The following SND1 variants were observed in gnomAD, a reference collection of about 807,000 sequenced individuals.
The protein encoded by SND1 is staphylococcal nuclease domain-containing protein 1.
SND1 carries 38 observed loss-of-function variants against 121.7 expected under a neutral mutation model. The observed-to-expected ratio is 0.31, with a 90% CI of 0.24 to 0.41. The LOEUF (loss-of-function observed/expected upper bound fraction) is 0.41, where lower values mean the gene tolerates loss of function less well. Ranked by LOEUF, SND1 falls within the 10% of genes least tolerant of loss-of-function variation. SND1 has a pLI of 1.00. For missense variants in SND1, 868 were observed against 1,184.6 expected, an observed-to-expected ratio of 0.73 and a Z score of 3.92; for synonymous variants, 401 against 447.4, an observed-to-expected ratio of 0.90 and a Z score of 1.31.
chr7:127,703,530 G>A (rs910765531), intron 7 of SND1, among the ~76,000 whole-genome samples: 24 of 152,168 alleles, frequency 1.6e-4, no homozygotes, highest in African/African-American at 5.3e-4. Flanking sequence ...TGGCCAACAT[G>A]GTGAAACCCT....
intron 12 of SND1, among the ~76,000 whole-genome samples, chr7:127,847,140 C>A (rs1799079810): frequency 6.6e-6 from 1 of 152,048 alleles, no homozygotes; most frequent in Non-Finnish European, 1.5e-5. Context: ...AGTCTGGTGG[C>A]AGGTGCCTGT....
At chr7:127,787,187 C>A (rs1797828067) in intron 10 of SND1, among the ~76,000 whole-genome samples, 1 of 152,148 alleles carries the variant, frequency 6.6e-6, no homozygotes. Flanking sequence ...ACCTTTTCTT[C>A]TGTCTTTTTA....
intron 12 of SND1, among the ~76,000 whole-genome samples, chr7:127,879,783 G>T (rs1343157370): frequency 6.6e-6 from 1 of 152,168 alleles, no homozygotes; most frequent in Non-Finnish European, 1.5e-5. Flanking sequence ...TGAGGGTCAT[G>T]GGTGACAGAG....
chr7:128,075,279 C>T (rs1012866299), intron 17 of SND1, among the ~76,000 whole-genome samples: 3 of 152,200 alleles, frequency 2.0e-5, no homozygotes, highest in Non-Finnish European at 4.4e-5. Flanking sequence ...GCCGGGCTCA[C>T]CCAGCCTGTT....
chr7:127,678,673 G>T (rs1795656918), intron 1 of SND1, among the ~76,000 whole-genome samples: 1 of 152,192 alleles, frequency 6.6e-6, no homozygotes, highest in South Asian at 2.1e-4. Context: ...AGCTTATGTT[G>T]TTTTGGGATT....
intron 10 of SND1, among the ~76,000 whole-genome samples, chr7:127,797,265 C>T (rs1437109597): frequency 6.6e-6 from 1 of 152,210 alleles, no homozygotes; most frequent in Non-Finnish European, 1.5e-5. Context: ...GCCACAATCA[C>T]TGTGTAGAGC....
At position 128,052,359 on chromosome 7, in the gene SND1, A is replaced by G. The variant is rs1793060730; in HGVS notation, c.1780-22143A>G. Among the ~76,000 whole-genome samples, 1 of 152,188 alleles carries G rather than the reference A, an allele frequency of 6.6e-6. No individual in the cohort carries two copies. Among genetic ancestry groups the G allele is most frequent in the Non-Finnish European group, 1.5e-5 (1 of 68,028 alleles). The stretch of plus-strand genomic sequence containing the variant: ...AAGCTCCCATTCTGGCAGCTTGTCC[A>G]TCAAGGTTGGATCTGTCTCTCCTCC... On this transcript the variant is annotated intron_variant, in intron 16 of 23. Coordinates refer to ENST00000354725, the MANE Select transcript of SND1 (RefSeq NM_014390.4). The surrounding 1 kb of genome is among the most constrained non-coding windows in gnomAD (Gnocchi z 4.6).
At chr7:127,660,042 G>GTC (rs746975443) in intron 1 of SND1, among the ~76,000 whole-genome samples, 48,877 of 148,000 alleles carry the variant, frequency 0.33, 8,984 homozygotes, top group African/African-American at 0.51. Flanking sequence ...TTTAGTTTGA[G>GTC]AAAGAAGATT....
chr7:128,008,507 T>G (rs1485962880), intron 16 of SND1, among the ~76,000 whole-genome samples: 1 of 151,932 alleles, frequency 6.6e-6, no homozygotes, highest in Non-Finnish European at 1.5e-5. Context: ...TTTTGATTTT[T>G]GAATTGAGAG....
At chr7:127,652,515 C>T (rs1795140228) in intron 1 of SND1, 64 bp downstream of exon 1, 1 of 1,317,948 alleles carries the variant, frequency 7.6e-7, no homozygotes, top group Non-Finnish European at 1.1e-6. Flanking sequence ...GGCATTGACT[C>T]CACCTTCCGC....
chr7:128,039,882 C>T (rs1359891894), intron 16 of SND1, among the ~76,000 whole-genome samples: 1 of 152,168 alleles, frequency 6.6e-6, no homozygotes, highest in Non-Finnish European at 1.5e-5. Context: ...GTAAAGGGCG[C>T]CCCATTACCT....
chr7:127,690,458 C>G (rs1044626454), intron 2 of SND1, among the ~76,000 whole-genome samples: 1 of 152,236 alleles, frequency 6.6e-6, no homozygotes, highest in Non-Finnish European at 1.5e-5. Context: ...TGGTGAGCAC[C>G]TGCTGTCTTT....
chr7:127,724,514 A>G (rs147687990), intron 10 of SND1, among the ~76,000 whole-genome samples: 2 of 152,274 alleles, frequency 1.3e-5, no homozygotes, highest in Admixed American at 6.5e-5. Flanking sequence ...AGGGAGAGAG[A>G]AAATGGGGCA....
chr7:128,054,635 G>A lies in SND1; in HGVS notation c.1780-19867G>A, dbSNP rs1793105344. ...AGAGCTTTTAAATTCCTCCTCCTCAGCCCCCTTTTTCTTCTTCCTCTCCCT... is the reference window on the plus strand; with the variant it reads ...AGAGCTTTTAAATTCCTCCTCCTCAACCCCCTTTTTCTTCTTCCTCTCCCT... On this transcript the variant is annotated intron_variant, in intron 16 of 23. Transcript: ENST00000354725. 1.3e-5 allele frequency among the ~76,000 whole-genome samples: 2 copies of A among 152,280 alleles called. 1 individual carries two copies. The highest frequency in any genetic ancestry group is 4.8e-5 in the African/African-American group (2 of 41,552).
chr7:127,771,997 C>G (rs1224027927), intron 10 of SND1, among the ~76,000 whole-genome samples: 1 of 152,050 alleles, frequency 6.6e-6, no homozygotes, highest in Admixed American at 6.5e-5. Flanking sequence ...TGCAACACTT[C>G]AGAGTTTATG....
At position 127,652,385 on chromosome 7, in the gene SND1, C is replaced by G; in HGVS notation, c.12C>G (p.Ser4=). Residue 4 remains serine (S), a synonymous_variant, in exon 1 of 24, where the codon TCC becomes TCG. Coordinates refer to ENST00000354725, the MANE Select transcript of SND1 (RefSeq NM_014390.4). MAS[S]AQSGGSSGGP... ...TTGCATCTCCACACATGGCGTCCTC[C>G]GCGCAGAGCGGCGGCTCCTCCGGGG... is the stretch of plus-strand genomic sequence containing the variant. 4 of 1,598,656 alleles carry G rather than the reference C, an allele frequency of 2.5e-6. No homozygotes were observed. Among genetic ancestry groups the G allele is most frequent in the Non-Finnish European group, 2.6e-6 (3 of 1,173,216 alleles).
chr7:128,028,616 T>C, intron 16 of SND1: 1 of 1,485,268 alleles, frequency 6.7e-7, no homozygotes, highest in Middle Eastern at 2.4e-4. Flanking sequence ...CCCCACTCTG[T>C]ACAAAAGTTG....
At chr7:127,855,832 A>G (rs749860344) in intron 12 of SND1, among the ~76,000 whole-genome samples, 4 of 152,138 alleles carry the variant, frequency 2.6e-5, no homozygotes, top group Non-Finnish European at 4.4e-5. Flanking sequence ...CCTGTGGCCA[A>G]CTCATCCACT....
At chr7:127,767,430 C>G (rs1797442093) in intron 10 of SND1, among the ~76,000 whole-genome samples, 1 of 152,126 alleles carries the variant, frequency 6.6e-6, no homozygotes, top group Non-Finnish European at 1.5e-5. Context: ...TTCTATTAGC[C>G]CTGTCAATAT....
Sources: allele counts gnomAD v4.1 joint callset (sites outside exome capture counted in the v4.1 genomes callset), GRCh38; gene constraint gnomAD v4.1.1; non-coding constraint Gnocchi (gnomAD v3.1); transcripts MANE v1.5; gene names NCBI Gene and HGNC (gene_info 2026-07-23, HGNC 2026-07-21).